The following CAMK4 variants were observed in gnomAD, a reference collection of about 807,000 sequenced individuals.
CAMK4 encodes the protein calcium/calmodulin dependent protein kinase IV.
A neutral mutation model predicts 44.9 loss-of-function variants in CAMK4; 22 were observed. That is an observed-to-expected ratio of 0.49 (90% confidence interval 0.35 to 0.70). CAMK4 has a LOEUF of 0.70. CAMK4 is among the 30% of genes least tolerant of loss of function. The pLI, the probability that CAMK4 is intolerant of heterozygous loss-of-function variation, is 0.01. For synonymous variants in CAMK4, 218 were observed against 215.4 expected (o/e 1.01, Z -0.11); for missense variants, 498 against 586.8 (o/e 0.85, Z 1.56).
intron 5 of CAMK4, among the ~76,000 whole-genome samples, chr5:111,440,105 C>T (rs919769982): frequency 1.3e-4 from 20 of 152,106 alleles, no homozygotes; most frequent in Non-Finnish European, 2.2e-4. Flanking sequence ...TGGTTGCTTT[C>T]TTTTTCTTAT....
chr5:111,490,705 G>A lies in CAMK4; in HGVS notation c.*6239G>A, dbSNP rs899018178. ...TACAATACAGTTAATATGCAGCAGC[G>A]TAGAGAACAAATAGCATATTCATAA... On this transcript the variant is annotated 3_prime_UTR_variant, in exon 11 of 11. Coordinates refer to ENST00000282356, the MANE Select transcript of CAMK4 (RefSeq NM_001744.6). 11 of 152,128 alleles carry A rather than the reference G, an allele frequency of 7.2e-5. No individual in the cohort carries two copies. The highest frequency in any genetic ancestry group is 2.1e-4 in the South Asian group (1 of 4,820). 9.4% of individuals were successfully genotyped at this position (152,128 alleles called of 1,614,324 possible).
intron 4 of CAMK4, among the ~76,000 whole-genome samples, chr5:111,380,895 C>T (rs992520759): frequency 6.6e-6 from 1 of 152,118 alleles, no homozygotes; most frequent in African/African-American, 2.4e-5. Context: ...GCTGGGCTTC[C>T]TAATGGCTGG....
chr5:111,279,331 G>A (rs1044331532), intron 1 of CAMK4, among the ~76,000 whole-genome samples: 3 of 152,106 alleles, frequency 2.0e-5, no homozygotes, highest in Admixed American at 2.0e-4. Context: ...CTATTTGGAA[G>A]GATGAGCTCT....
intron 5 of CAMK4, among the ~76,000 whole-genome samples, chr5:111,440,385 T>C (rs1753782808): frequency 6.6e-6 from 1 of 152,172 alleles, no homozygotes. Context: ...TTAGAAATTT[T>C]TTGTTACGTA....
chr5:111,283,103 A>T (rs745829616), intron 1 of CAMK4: 10 of 152,254 alleles, frequency 6.6e-5, no homozygotes, highest in Non-Finnish European at 1.2e-4. Context: ...ATTTCACAAC[A>T]TCATAAAGTC....
intron 4 of CAMK4, among the ~76,000 whole-genome samples, chr5:111,391,694 A>T (rs2112855506): frequency 6.6e-6 from 1 of 152,314 alleles, no homozygotes; most frequent in South Asian, 2.1e-4. Flanking sequence ...ATTCTACTTC[A>T]AGAAAATATT....
At chr5:111,395,230 A>AG (rs1189088528) in intron 5 of CAMK4, among the ~76,000 whole-genome samples, 3,164 of 106,398 alleles carry the variant, frequency 0.03, 191 homozygotes, top group East Asian at 0.13. Context: ...AAAAAAAAGA[A>AG]AAAAAAAAAG....
chr5:111,309,226 C>G (rs765937145), intron 1 of CAMK4, among the ~76,000 whole-genome samples: 6 of 152,196 alleles, frequency 3.9e-5, no homozygotes, highest in Admixed American at 2.0e-4. Flanking sequence ...TAAGCATGTA[C>G]ACCAAACCAA....
intron 7 of CAMK4, among the ~76,000 whole-genome samples, chr5:111,466,368 A>G (rs1011030451): frequency 2.0e-5 from 3 of 152,216 alleles, no homozygotes; most frequent in Non-Finnish European, 4.4e-5. Flanking sequence ...GACAAGAGAA[A>G]GAAATAAAAG....
At chr5:111,435,234 C>G (rs1009490108) in intron 5 of CAMK4, among the ~76,000 whole-genome samples, 1 of 152,062 alleles carries the variant, frequency 6.6e-6, no homozygotes, top group Admixed American at 6.6e-5. Flanking sequence ...CTTTAGGAAT[C>G]ATTTATACAT....
At chr5:111,330,478 TTTG>T (rs199766356) in intron 1 of CAMK4, among the ~76,000 whole-genome samples, 1,347 of 131,680 alleles carry the variant, frequency 0.01, 13 homozygotes, top group African/African-American at 0.032. Context: ...TTTTTCTTTT[TTTG>T]TTGTTGTTGT....
At chr5:111,483,737 AAC>A (rs1755511259) in intron 10 of CAMK4, among the ~76,000 whole-genome samples, 2 of 152,234 alleles carry the variant, frequency 1.3e-5, no homozygotes, top group Admixed American at 6.5e-5. Context: ...TACACCGGGA[AAC>A]ACAGATTAAA....
In CAMK4 at chr5:111,347,092, C is replaced by T. The variant is rs533754384; in HGVS notation, c.240+2990C>T. The stretch of plus-strand genomic sequence containing the variant: ...GGGAGTATCTTAAAGTAGAGGCTTA[C>T]AAACAGGTGGGTTCTAAGATTCTTT... On this transcript the variant is annotated intron_variant, in intron 2 of 10. Transcript: ENST00000282356. 2.6e-5 allele frequency among the ~76,000 whole-genome samples: 4 copies of T among 152,066 alleles called. No individual in the cohort carries two copies. In the East Asian group the frequency reaches 7.8e-4, roughly 30 times the overall value.
In CAMK4 at chr5:111,362,726, A is replaced by G. The variant is rs114571554; in HGVS notation, c.241-12124A>G. On this transcript the variant is annotated intron_variant, in intron 2 of 10. Transcript: ENST00000282356. ...CTCTTTGTTAATCAGTTTCTTTTTC[A>G]TAAGACCATGCTGATGCTGGCACCT... Among the ~76,000 whole-genome samples, 634 of 152,128 alleles carry G rather than the reference A, an allele frequency of 4.2e-3. 1 individual carries two copies. Among genetic ancestry groups the G allele is most frequent in the Middle Eastern group, 0.01 (3 of 292 alleles).
chr5:111,256,369 G>C (rs1357422957), intron 1 of CAMK4, among the ~76,000 whole-genome samples: 1 of 152,222 alleles, frequency 6.6e-6, no homozygotes, highest in African/African-American at 2.4e-5. Flanking sequence ...TCTTGGTTGT[G>C]TTGGTGGTCA....
intron 2 of CAMK4, among the ~76,000 whole-genome samples, chr5:111,347,081 G>A (rs150748444): frequency 9.9e-5 from 15 of 152,124 alleles, no homozygotes; most frequent in Non-Finnish European, 1.0e-4. Flanking sequence ...GTATCTTAAA[G>A]TAGAGGCTTA....
At chr5:111,396,778 C>G (rs549197584) in intron 5 of CAMK4, among the ~76,000 whole-genome samples, 1 of 151,348 alleles carries the variant, frequency 6.6e-6, no homozygotes, top group African/African-American at 2.4e-5. Context: ...GTAGCTGGGA[C>G]TATAGGTGTG....
chr5:111,468,893 G>A (rs1197364942), intron 7 of CAMK4, among the ~76,000 whole-genome samples: 6 of 151,772 alleles, frequency 4.0e-5, no homozygotes, highest in African/African-American at 7.3e-5. Context: ...CAAGAGAATC[G>A]CTTGAACCCA....
In CAMK4 at chr5:111,382,377, A is replaced by G. The variant is rs1751449443; in HGVS notation, c.386+5435A>G. Among the ~76,000 whole-genome samples the G allele has an allele frequency of 3.3e-5, 5 of 152,284 alleles. No individual in the cohort carries two copies. In the South Asian group the frequency reaches 1.0e-3, roughly 32 times the overall value. ...TGGAACTGAGGCTGTTTCTTGTCCC[A>G]GTCTTTCTGGAGTTGTAGTATGGTT... On this transcript the variant is annotated intron_variant, in intron 4 of 10. Transcript: ENST00000282356.
Sources: allele counts gnomAD v4.1 joint callset (sites outside exome capture counted in the v4.1 genomes callset), GRCh38; gene constraint gnomAD v4.1.1; transcripts MANE v1.5; gene names NCBI Gene and HGNC (gene_info 2026-07-23, HGNC 2026-07-21).